Variants in NUAK1 observed in about 807,000 individuals in gnomAD.
NUAK1 encodes the protein NUAK family kinase 1.
A neutral mutation model predicts 56.9 loss-of-function variants in NUAK1; 26 were observed. That is an observed-to-expected ratio of 0.46 (90% confidence interval 0.33 to 0.63). The LOEUF is 0.63. NUAK1 is among the 30% of genes least tolerant of loss of function. NUAK1 has a pLI of 0.02. For missense variants in NUAK1, 727 were observed against 876.1 expected (o/e 0.83, Z 2.15); for synonymous variants, 337 against 336.0 (o/e 1.00, Z -0.03).
chr12:106,119,740 G>A (rs2032955081), intron 1 of NUAK1, among the ~76,000 whole-genome samples: 1 of 152,164 alleles, frequency 6.6e-6, no homozygotes, highest in South Asian at 2.1e-4. Flanking sequence ...AGGAATGAAA[G>A]TTAATAAGGG....
intron 2 of NUAK1, among the ~76,000 whole-genome samples, chr12:106,104,852 G>A (rs1018488214): frequency 2.0e-5 from 3 of 151,992 alleles, no homozygotes; most frequent in Admixed American, 6.5e-5. Context: ...GATGAAAAAC[G>A]AAAACTATCA....
chr12:106,087,288 T>G (rs1171541648), intron 2 of NUAK1, among the ~76,000 whole-genome samples: 2 of 152,202 alleles, frequency 1.3e-5, no homozygotes, highest in Non-Finnish European at 2.9e-5. Flanking sequence ...ACAGAGCTAC[T>G]CTGACCCCAA....
At chr12:106,094,136 C>T (rs2032669173) in intron 2 of NUAK1, among the ~76,000 whole-genome samples, 1 of 152,120 alleles carries the variant, frequency 6.6e-6, no homozygotes, top group East Asian at 1.9e-4. Flanking sequence ...AAAAAAAGGC[C>T]TAGGGCCTAG....
rs762710746 is a variant in NUAK1, at chr12:106,066,943, C to T, written c.1845G>A (p.Gly615=). ...ENFLQIQDFE[G]LQNRPRPQYL... ...ACTGGGGCCGGGGCCGGTTCTGGAG[C>T]CCCTCAAAGTCCTGGATCTGGAGGA... is the stretch of plus-strand genomic sequence containing the variant. The change falls in exon 7 of 7, where the codon GGG becomes GGA. Residue 615 remains glycine, a synonymous_variant. Coordinates refer to ENST00000261402, the MANE Select transcript of NUAK1 (RefSeq NM_014840.3). The T allele has an allele frequency of 1.2e-5, 19 of 1,614,090 alleles. No homozygotes were observed. Among genetic ancestry groups the T allele is most frequent in the Non-Finnish European group, 1.4e-5 (16 of 1,180,038 alleles).
chr12:106,079,509 G>A (rs959358369), intron 4 of NUAK1, among the ~76,000 whole-genome samples: 1 of 152,126 alleles, frequency 6.6e-6, no homozygotes, highest in African/African-American at 2.4e-5. Context: ...AGGCAGTCAA[G>A]CAGAGACCCC....
intron 1 of NUAK1, 88 bp from the exon 2 acceptor site, chr12:106,106,613 T>C (rs2032804621): frequency 2.9e-6 from 4 of 1,394,190 alleles, no homozygotes; most frequent in African/African-American, 2.9e-5. Flanking sequence ...AATACAGATG[T>C]TACTTGTTGG....
intron 4 of NUAK1, among the ~76,000 whole-genome samples, chr12:106,077,391 A>AAATTACAG (rs1321655673): frequency 6.6e-6 from 1 of 152,226 alleles, no homozygotes; most frequent in African/African-American, 2.4e-5. Context: ...CTGACGCTAT[A>AAATTACAG]AATTACAGCC....
At chr12:106,110,584 G>A (rs142256118) in intron 1 of NUAK1, among the ~76,000 whole-genome samples, 92 of 152,288 alleles carry the variant, frequency 6.0e-4, no homozygotes, top group Non-Finnish European at 1.1e-3. Context: ...CCAAATGTCT[G>A]AAATCACACA....
Position 106,067,937 on chromosome 12 carries a change from C to T in NUAK1, c.851G>A (p.Arg284Gln), listed in dbSNP as rs1273871319. The change falls in exon 7 of 7, where the codon CGG (arginine) becomes CAG (glutamine). Residue 284 changes from arginine (R) to glutamine (Q), a missense_variant. By Grantham distance (43) the Arg-to-Gln change is conservative. Transcript: ENST00000261402. This position sits in a 1 kb window ranked among gnomAD's most constrained non-coding sequence, Gnocchi z 6.0. ...ATCGGGGTTCACCATCAGCATCCAC[C>T]GTATGAGTCCTCGAGCATCTAAGGG... ...TQPSDARGLI[R>Q]WMLMVNPDRR... 7 of 1,609,040 alleles carry T rather than the reference C, an allele frequency of 4.4e-6. No individual in the cohort carries two copies. The highest frequency in any genetic ancestry group is 2.2e-5 in the South Asian group (2 of 90,594).
chr12:106,071,808 G>A (rs1043743297), intron 5 of NUAK1, among the ~76,000 whole-genome samples: 1 of 152,134 alleles, frequency 6.6e-6, no homozygotes, highest in Non-Finnish European at 1.5e-5. Context: ...ATTTTAGAAA[G>A]ACTTTCTCTT....
At chr12:106,077,587 T>C (rs1592849515) in intron 4 of NUAK1, among the ~76,000 whole-genome samples, 1 of 152,166 alleles carries the variant, frequency 6.6e-6, no homozygotes, top group Admixed American at 6.5e-5. Context: ...GATTCAGGGT[T>C]TGAGCACTTG....
intron 2 of NUAK1, among the ~76,000 whole-genome samples, chr12:106,087,894 G>A (rs1057349912): frequency 6.6e-6 from 1 of 152,206 alleles, no homozygotes; most frequent in African/African-American, 2.4e-5. Flanking sequence ...CATGGATGGG[G>A]AACTAATGCC....
rs368226670 is a variant in NUAK1, at chr12:106,086,433, ACT to A, written c.513+299_513+300del. Among the ~76,000 whole-genome samples the A allele has an allele frequency of 2.0e-4, 30 of 152,226 alleles. No homozygotes were observed. The East Asian group carries it at 2.3e-3, about 12-fold the overall frequency. On this transcript the variant is annotated intron_variant, in intron 3 of 6. Transcript: ENST00000261402. ...TAAACTAAGAAAGGCATAGATAGGAACTCTCTGTACTACCTTTGAAACTTTCC... is the reference window on the plus strand; with the variant it reads ...TAAACTAAGAAAGGCATAGATAGGAACTCTGTACTACCTTTGAAACTTTCC...
chr12:106,079,540 G>T (rs909929190), intron 4 of NUAK1, among the ~76,000 whole-genome samples: 1 of 152,134 alleles, frequency 6.6e-6, no homozygotes, highest in East Asian at 1.9e-4. Flanking sequence ...CAGGCAAAAA[G>T]GAATGAGCAG....
intron 4 of NUAK1, among the ~76,000 whole-genome samples, chr12:106,083,371 C>T (rs556078804): frequency 6.6e-6 from 1 of 152,290 alleles, no homozygotes; most frequent in East Asian, 1.9e-4. Flanking sequence ...GACATGGGTT[C>T]AAATCCCAAC....
At chr12:106,083,993 A>G in intron 3 of NUAK1, 64 bp from the exon 4 acceptor site, 2 of 1,346,772 alleles carry the variant, frequency 1.5e-6, no homozygotes, top group Non-Finnish European at 2.1e-6. Context: ...AGAGAGAAAG[A>G]GGAAGGAGGA....
chr12:106,111,479 T>C (rs2032859102), intron 1 of NUAK1, among the ~76,000 whole-genome samples: 1 of 151,958 alleles, frequency 6.6e-6, no homozygotes, highest in Non-Finnish European at 1.5e-5. Context: ...ACCAAGAGAA[T>C]CCCTGCCCTC....
At chr12:106,083,811 T>A (rs1476069713) in intron 4 of NUAK1, 53 bp downstream of exon 4, 5 of 1,524,134 alleles carry the variant, frequency 3.3e-6, no homozygotes, top group African/African-American at 2.7e-5. Context: ...TAAGCCTCCA[T>A]CCGGCTGCAA....
chr12:106,134,958 T>C (rs148288016), intron 1 of NUAK1, among the ~76,000 whole-genome samples: 13 of 152,326 alleles, frequency 8.5e-5, no homozygotes, highest in African/African-American at 2.4e-4. Flanking sequence ...CATGATACAA[T>C]GCATTGTCTC....
Sources: allele counts gnomAD v4.1 joint callset (sites outside exome capture counted in the v4.1 genomes callset), GRCh38; gene constraint gnomAD v4.1.1; non-coding constraint Gnocchi (gnomAD v3.1); transcripts MANE v1.5; gene names NCBI Gene and HGNC (gene_info 2026-07-23, HGNC 2026-07-21).